C8orf34: variants seen among roughly 807,000 people sequenced by gnomAD.
The protein encoded by C8orf34 is uncharacterized protein C8orf34.
In C8orf34, 65 loss-of-function variants were observed where a neutral mutation model predicts 68.3. The observed-to-expected ratio is 0.95, with a 90% CI of 0.78 to 1.17. C8orf34 has a LOEUF of 1.17. Among genes scored for constraint, C8orf34 ranks in the 50% most tolerant of loss-of-function variants. The pLI, the probability that C8orf34 is intolerant of heterozygous loss-of-function variation, is 0.00. For missense variants in C8orf34, 664 were observed against 655.4 expected (o/e 1.01, Z -0.14); for synonymous variants, 244 against 241.2 (o/e 1.01, Z -0.11).
chr8:68,534,794 C>T (rs775647400), intron 7 of C8orf34: 7 of 985,386 alleles, frequency 7.1e-6, no homozygotes, highest in Non-Finnish European at 8.4e-6. Flanking sequence ...TTGTCCACTC[C>T]ATGCTGGTAC....
At chr8:68,714,188 G>A (rs1021031162) in intron 9 of C8orf34, among the ~76,000 whole-genome samples, 2 of 152,072 alleles carry the variant, frequency 1.3e-5, no homozygotes, top group Non-Finnish European at 2.9e-5. Flanking sequence ...ACATTATACT[G>A]AACAGGGAAA....
At chr8:68,339,365 A>G (rs1378589871) in intron 1 of C8orf34, among the ~76,000 whole-genome samples, 2 of 152,022 alleles carry the variant, frequency 1.3e-5, no homozygotes, top group African/African-American at 4.8e-5. Flanking sequence ...ATGTTCAAGC[A>G]AACAACCATC....
Position 68,787,530 on chromosome 8 carries a change from G to C in C8orf34, c.1543G>C (p.Glu515Gln). 1.2e-6 allele frequency: 2 copies of C among 1,603,788 alleles called. No individual in the cohort carries two copies. The highest frequency in any genetic ancestry group is 1.7e-6 in the Non-Finnish European group (2 of 1,172,962). Residue 515 changes from glutamate to glutamine, a missense_variant, in exon 12 of 14, where the codon GAG (glutamate) becomes CAG (glutamine). Transcript: ENST00000518698. ...TESEGVEAEQ[E>Q]KRSADLLLCV... ...AAGTGAAGGAGTGGAAGCAGAACAA[G>C]AGAAACGTGAGTAGACACTATTGTT... is the stretch of plus-strand genomic sequence containing the variant.
intron 7 of C8orf34, chr8:68,534,705 A>G: frequency 2.0e-6 from 2 of 985,308 alleles, no homozygotes; most frequent in South Asian, 9.4e-5. Context: ...CCATAACTAT[A>G]CCTGTAAATG....
chr8:68,597,429 T>C (rs1387203838), intron 7 of C8orf34, among the ~76,000 whole-genome samples: 2 of 152,176 alleles, frequency 1.3e-5, no homozygotes, highest in African/African-American at 4.8e-5. Flanking sequence ...ACCTCATCTG[T>C]GTTTTTTTAG....
chr8:68,789,658 G>A (rs1458656383), intron 12 of C8orf34, among the ~76,000 whole-genome samples: 4 of 151,920 alleles, frequency 2.6e-5, no homozygotes, highest in East Asian at 1.9e-4. Flanking sequence ...TCATCTTATT[G>A]AGACACAAAA....
At chr8:68,635,471 AG>A (rs748128519) in intron 7 of C8orf34, among the ~76,000 whole-genome samples, 10 of 152,214 alleles carry the variant, frequency 6.6e-5, no homozygotes, top group Non-Finnish European at 1.0e-4. Context: ...AGCAACTTTT[AG>A]TTCTAATTCA....
rs1821257102 is a variant in C8orf34 at position 68,709,056 on chromosome 8, A to G, written c.1304A>G (p.Asp435Gly). 1.2e-6 allele frequency: 2 copies of G among 1,612,516 alleles called. No individual in the cohort carries two copies. The highest frequency in any genetic ancestry group is 1.7e-6 in the Non-Finnish European group (2 of 1,179,334). Residue 435 changes from aspartate (D) to glycine (G), a missense_variant, in exon 9 of 14, where the codon GAT (aspartate) becomes GGT (glycine). Asp to Gly is a moderately conservative substitution (Grantham distance 94, BLOSUM62 -1). Transcript: ENST00000518698. ...EESLPILHSP[D>G]EKIPDSFDSL... Reference sequence around the variant, plus strand: ...TCACTACCAATACTCCATTCTCCAGATGAAAAAATCCCAGATTCATTCGGT... The same window carrying G: ...TCACTACCAATACTCCATTCTCCAGGTGAAAAAATCCCAGATTCATTCGGT...
intron 10 of C8orf34, among the ~76,000 whole-genome samples, chr8:68,724,882 A>G (rs895740834): frequency 6.6e-6 from 1 of 151,808 alleles, no homozygotes; most frequent in South Asian, 2.1e-4. Context: ...CTTTTTTGAG[A>G]CAGAGTCTAG....
intron 7 of C8orf34, among the ~76,000 whole-genome samples, chr8:68,566,506 T>C (rs1816593268): frequency 6.6e-6 from 1 of 152,250 alleles, no homozygotes; most frequent in South Asian, 2.1e-4. Flanking sequence ...GAGCACTTGC[T>C]GCTTCACCTT....
At chr8:68,735,604 C>G (rs534879300) in intron 10 of C8orf34, among the ~76,000 whole-genome samples, 11 of 90,230 alleles carry the variant, frequency 1.2e-4, no homozygotes, top group African/African-American at 5.5e-4. Context: ...TTTCAAGACT[C>G]ATAAAATTGA....
chr8:68,416,116 A>G (rs1266490889), intron 1 of C8orf34, among the ~76,000 whole-genome samples: 1 of 152,206 alleles, frequency 6.6e-6, no homozygotes, highest in Non-Finnish European at 1.5e-5. Flanking sequence ...TGTGAGCAGA[A>G]GGTGGTGTTT....
At chr8:68,816,135 TC>T (rs1311580231) in intron 13 of C8orf34, among the ~76,000 whole-genome samples, 190 bp downstream of exon 13, 3 of 130,932 alleles carry the variant, frequency 2.3e-5, no homozygotes, top group East Asian at 4.6e-4. Flanking sequence ...TGTGTGTGTT[TC>T]TCTGTGTGTG....
chr8:68,755,509 C>G (rs556572949), intron 10 of C8orf34, among the ~76,000 whole-genome samples: 16 of 152,234 alleles, frequency 1.1e-4, no homozygotes, highest in Non-Finnish European at 1.9e-4. Flanking sequence ...ATATCTGATA[C>G]CAATTTTACA....
At chr8:68,446,484 G>T (rs763481522) in intron 3 of C8orf34, 24 bp downstream of exon 3, 43 of 1,594,676 alleles carry the variant, frequency 2.7e-5, no homozygotes, top group Non-Finnish European at 3.6e-5. Context: ...TTATTCAAAT[G>T]CTATTCAAAG....
intron 10 of C8orf34, among the ~76,000 whole-genome samples, chr8:68,724,186 A>C (rs562982844): frequency 2.8e-4 from 43 of 152,342 alleles, no homozygotes; most frequent in African/African-American, 9.6e-4. Context: ...AGTTTCTAAA[A>C]AAAACTTCTG....
chr8:68,714,696 T>A (rs546159681), intron 9 of C8orf34, among the ~76,000 whole-genome samples: 43 of 152,280 alleles, frequency 2.8e-4, no homozygotes, highest in African/African-American at 6.7e-4. Context: ...ATGACCACAC[T>A]GCCAAAAGCA....
intron 1 of C8orf34, among the ~76,000 whole-genome samples, chr8:68,334,926 C>T (rs1039649491): frequency 3.3e-5 from 5 of 152,190 alleles, no homozygotes; most frequent in Non-Finnish European, 7.4e-5. Flanking sequence ...GGCACTTCTT[C>T]CAGCCATGTA....
At position 68,627,962 on chromosome 8, in the gene C8orf34, G is replaced by A. The variant is rs180835756; in HGVS notation, c.1106-12414G>A. Among the ~76,000 whole-genome samples the A allele has an allele frequency of 5.3e-5, 8 of 152,214 alleles. No homozygotes were observed. In the East Asian group the frequency reaches 7.7e-4, roughly 15 times the overall value. On this transcript the variant is annotated intron_variant, in intron 7 of 13. Transcript: ENST00000518698. ...TTTTTACTCTTTTCAGTTAACAAGA[G>A]AAGACATGGAATATATGTAAATTTA...
Sources: gnomAD v4.1 joint callset for allele counts (sites outside exome capture counted in the v4.1 genomes callset) on GRCh38, gnomAD v4.1.1 for gene constraint, MANE v1.5 for transcripts, NCBI Gene and HGNC (gene_info 2026-07-23, HGNC 2026-07-21) for gene names.